The following ADD1 variants were observed in gnomAD, a reference collection of about 807,000 sequenced individuals.
ADD1 encodes the protein adducin 1.
In ADD1, 24 loss-of-function variants were observed where a neutral mutation model predicts 80.5. That is an observed-to-expected ratio of 0.30 (90% CI 0.22 to 0.42). The LOEUF is 0.42. Ranked by LOEUF, ADD1 falls within the 10% of genes least tolerant of loss-of-function variation. The pLI, the probability that ADD1 is intolerant of heterozygous loss-of-function variation, is 1.00. For synonymous variants in ADD1, 373 were observed against 393.8 expected (o/e 0.95, Z 0.63); for missense variants, 948 against 1,019.0 (o/e 0.93, Z 0.95).
chr4:2,885,159 C>G (rs1285564510), intron 4 of ADD1, among the ~76,000 whole-genome samples: 1 of 152,174 alleles, frequency 6.6e-6, no homozygotes, highest in African/African-American at 2.4e-5. Flanking sequence ...CCCTTGTGGA[C>G]AGTCACTTCT....
At chr4:2,856,636 G>A (rs897071556) in intron 1 of ADD1, among the ~76,000 whole-genome samples, 10 of 142,994 alleles carry the variant, frequency 7.0e-5, no homozygotes, top group Non-Finnish European at 9.0e-5. Flanking sequence ...CCGTTGCTCA[G>A]GCTGGAGTGC....
In ADD1 at chr4:2,916,206, ATTATTT is replaced by A. The variant is rs1358785214; in HGVS notation, c.1948+1169_1948+1174del. On this transcript the variant is annotated intron_variant, in intron 14 of 15. Coordinates refer to ENST00000683351, the MANE Select transcript of ADD1 (RefSeq NM_001354761.2). ...TATTATTATTATTATTATTATTATT[ATTATTT>A]TTGAGATGAAGTCTTGCTCTGTCGC... Among the ~76,000 whole-genome samples the A allele has an allele frequency of 9.3e-5, 10 of 107,308 alleles. No individual in the cohort carries two copies. In the East Asian group the frequency reaches 2.0e-3, roughly 22 times the overall value. The allele number at this position is 107,308 out of a possible 152,430, so 70.4% of individuals were successfully genotyped here.
At chr4:2,908,244 C>T (rs1737394492) in intron 11 of ADD1, among the ~76,000 whole-genome samples, 1 of 152,214 alleles carries the variant, frequency 6.6e-6, no homozygotes, top group Non-Finnish European at 1.5e-5. Context: ...AGTGTTTCCC[C>T]CAAGTTAATG....
At chr4:2,845,689 T>C (rs1726094417) in intron 1 of ADD1, among the ~76,000 whole-genome samples, 2 of 152,208 alleles carry the variant, frequency 1.3e-5, no homozygotes, top group Non-Finnish European at 2.9e-5. Context: ...TGATGTTATC[T>C]GATATACTGA....
rs1333218696 is a variant in ADD1, at chr4:2,928,605, G to T, written c.*82G>T. Reference sequence around the variant, plus strand: ...GGCCACGTCTGTGCTCTGTCCTTGTGTAATGGAATGCAAAAAAGCCAAGCC... The same window carrying T: ...GGCCACGTCTGTGCTCTGTCCTTGTTTAATGGAATGCAAAAAAGCCAAGCC... On this transcript the variant is annotated 3_prime_UTR_variant, in exon 16 of 16. Transcript: ENST00000683351. 18 of 1,461,658 alleles carry T rather than the reference G, an allele frequency of 1.2e-5. No homozygotes were observed. The highest frequency in any genetic ancestry group is 1.7e-5 in the Non-Finnish European group (18 of 1,068,550). The allele number at this position is 1,461,658 out of a possible 1,614,324, so 90.5% of individuals were successfully genotyped here.
rs188825395 is a variant in ADD1 at position 2,908,102 on chromosome 4, G to T, written c.1608+258G>T. ...TGCTCACCGGTCAGAATTGGAAGCT[G>T]CAAAACCTGTTCTTAGCAAGAGCAG... is the stretch of plus-strand genomic sequence containing the variant. On this transcript the variant is annotated intron_variant, in intron 11 of 15. Coordinates refer to ENST00000683351, the MANE Select transcript of ADD1 (RefSeq NM_001354761.2). 7.5e-4 allele frequency among the ~76,000 whole-genome samples: 115 copies of T among 152,348 alleles called. 1 individual carries two copies. Among genetic ancestry groups the T allele is most frequent in the Admixed American group, 1.8e-3 (27 of 15,304 alleles).
chr4:2,899,262 C>G lies in ADD1; in HGVS notation c.988C>G (p.Arg330Gly), dbSNP rs1314754167. Residue 330 changes from arginine (R) to glycine (G), a missense_variant, in exon 9 of 16, where the codon CGA (arginine) becomes GGA (glycine). Transcript: ENST00000683351. ...TGCTGTGTGTGTTTTGGAAAAGGTT[C>G]GAACTCTGGCCAGTGCAGGAGGACC... ...NLVVACEIQVRTLASAGGPDN... is the reference protein window; with the variant it reads ...NLVVACEIQVGTLASAGGPDN... 1 of 1,606,836 alleles carries G rather than the reference C, an allele frequency of 6.2e-7. No homozygotes were observed. The highest frequency in any genetic ancestry group is 8.5e-7 in the Non-Finnish European group (1 of 1,174,580).
intron 1 of ADD1, among the ~76,000 whole-genome samples, chr4:2,863,554 A>C (rs1729111449): frequency 6.6e-6 from 1 of 152,162 alleles, no homozygotes; most frequent in South Asian, 2.1e-4. Flanking sequence ...GGTGCTGTGG[A>C]AAGTTCATAG....
chr4:2,899,226 A>C, intron 8 of ADD1, 33 bp from the exon 9 acceptor site: 1 of 1,581,082 alleles, frequency 6.3e-7, no homozygotes, highest in Non-Finnish European at 8.6e-7. Context: ...CTCAGTAAGG[A>C]ACTCAAGCCA....
chr4:2,914,745 G>A (rs755847472), intron 13 of ADD1, 139 bp from the exon 14 acceptor site: 41 of 934,708 alleles, frequency 4.4e-5, no homozygotes, highest in East Asian at 3.8e-4. Context: ...CCTAGGCCTC[G>A]GGCCCATGGC....
intron 1 of ADD1, among the ~76,000 whole-genome samples, chr4:2,847,014 G>T (rs1468810918): frequency 6.6e-6 from 1 of 152,098 alleles, no homozygotes. Context: ...CTACTCGGGA[G>T]GCTGAGGCAG....
chr4:2,851,066 T>C lies in ADD1; in HGVS notation c.-21+7042T>C, dbSNP rs542403379. 3.3e-5 allele frequency among the ~76,000 whole-genome samples: 5 copies of C among 152,314 alleles called. No homozygotes were observed. The East Asian group carries it at 9.7e-4, about 29-fold the overall frequency. ...ACACTAAAACTCTGTATACTTCATT[T>C]AGAGACAGTCTTGCTCTATTGTTCA... is the stretch of plus-strand genomic sequence containing the variant. On this transcript the variant is annotated intron_variant, in intron 1 of 15. Coordinates refer to ENST00000683351, the MANE Select transcript of ADD1 (RefSeq NM_001354761.2).
intron 1 of ADD1, among the ~76,000 whole-genome samples, chr4:2,850,465 G>A (rs1343683808): frequency 6.6e-6 from 1 of 151,076 alleles, no homozygotes; most frequent in Non-Finnish European, 1.5e-5. Flanking sequence ...TTGCTCTGTC[G>A]CCCAGGCTGG....
chr4:2,856,590 T>G (rs1053879956), intron 1 of ADD1, among the ~76,000 whole-genome samples: 2 of 148,354 alleles, frequency 1.3e-5, no homozygotes, highest in African/African-American at 4.9e-5. Flanking sequence ...TAGAGTTTTT[T>G]TTTTTTTTTT....
At chr4:2,927,668 G>A (rs1331276723) in intron 15 of ADD1, among the ~76,000 whole-genome samples, 1 of 152,174 alleles carries the variant, frequency 6.6e-6, no homozygotes, top group South Asian at 2.1e-4. Context: ...CAGCCTAAAC[G>A]GCTTTGTTCT....
At chr4:2,915,921 C>T (rs556419155) in intron 14 of ADD1, among the ~76,000 whole-genome samples, 24 of 152,202 alleles carry the variant, frequency 1.6e-4, no homozygotes, top group South Asian at 6.2e-4. Flanking sequence ...AGAGTCTGCG[C>T]GCCATACTAA....
chr4:2,866,999 G>A (rs866703799), intron 1 of ADD1, among the ~76,000 whole-genome samples: 2 of 152,066 alleles, frequency 1.3e-5, no homozygotes, highest in Admixed American at 6.6e-5. Flanking sequence ...TTGAGCCCGG[G>A]GGCAGAGGTT....
At chr4:2,896,894 G>GACT (rs1735336621) in intron 6 of ADD1, among the ~76,000 whole-genome samples, 5 of 152,076 alleles carry the variant, frequency 3.3e-5, no homozygotes, top group Admixed American at 3.3e-4. Flanking sequence ...GAGTAGGTGG[G>GACT]ACTACAGGTG....
intron 13 of ADD1, 37 bp from the exon 14 acceptor site, chr4:2,914,847 C>A: frequency 1.3e-6 from 2 of 1,557,948 alleles, no homozygotes; most frequent in Non-Finnish European, 1.7e-6. Context: ...CCCATCGGGC[C>A]GGGCTCCTGC....
Sources: gnomAD v4.1 joint callset for allele counts (sites outside exome capture counted in the v4.1 genomes callset) on GRCh38, gnomAD v4.1.1 for gene constraint, MANE v1.5 for transcripts, NCBI Gene and HGNC (gene_info 2026-07-23, HGNC 2026-07-21) for gene names.